Variants in MACROD2 observed in about 807,000 individuals in gnomAD.
MACROD2 encodes mono-ADP ribosylhydrolase 2.
In MACROD2, 36 loss-of-function variants were observed where a neutral mutation model predicts 70.4. That is an observed-to-expected ratio of 0.51 (90% CI 0.39 to 0.68). The LOEUF (loss-of-function observed/expected upper bound fraction) is 0.68. Ranked by LOEUF, MACROD2 falls within the 30% of genes least tolerant of loss-of-function variation. MACROD2 has a pLI of 0.00. For synonymous variants in MACROD2, 172 were observed against 178.8 expected (o/e 0.96, Z 0.30); for missense variants, 496 against 538.4 (o/e 0.92, Z 0.78).
chr20:16,013,183 A>G (rs1008735737), intron 15 of MACROD2, among the ~76,000 whole-genome samples: 7 of 152,192 alleles, frequency 4.6e-5, no homozygotes, highest in African/African-American at 1.4e-4. Context: ...TGTCTAAAAA[A>G]AAAAGAGAGC....
At chr20:15,021,053 T>G in intron 5 of MACROD2, among the ~76,000 whole-genome samples, 1 of 143,220 alleles carries the variant, frequency 7.0e-6, no homozygotes, top group Middle Eastern at 3.5e-3. Context: ...TGCATACACA[T>G]GTGCATATGT....
At chr20:14,727,242 C>T (rs765497082) in intron 5 of MACROD2, among the ~76,000 whole-genome samples, 56 of 152,260 alleles carry the variant, frequency 3.7e-4, no homozygotes, top group Middle Eastern at 6.8e-3. Flanking sequence ...TCCAGATATT[C>T]TCCAAGAAAT....
At chr20:14,949,212 C>CA (rs1239028548) in intron 5 of MACROD2, among the ~76,000 whole-genome samples, 2 of 151,940 alleles carry the variant, frequency 1.3e-5, no homozygotes, top group Non-Finnish European at 2.9e-5. Flanking sequence ...CTTTGTAGAA[C>CA]AAAAATGCAA....
At chr20:16,047,497 G>A (rs1048750170) in intron 17 of MACROD2, among the ~76,000 whole-genome samples, 8 of 152,310 alleles carry the variant, frequency 5.3e-5, no homozygotes, top group African/African-American at 1.7e-4. Context: ...CAGACTGAGT[G>A]TGGCTTCTAG....
At chr20:15,403,950 G>T (rs2045964413) in intron 6 of MACROD2, among the ~76,000 whole-genome samples, 2 of 152,162 alleles carry the variant, frequency 1.3e-5, no homozygotes, top group African/African-American at 2.4e-5. Flanking sequence ...TAAAGCAATA[G>T]AGCAAGAGGA....
At chr20:15,707,412 C>T (rs79646852) in intron 8 of MACROD2, among the ~76,000 whole-genome samples, 8,971 of 152,196 alleles carry the variant, frequency 0.059, 356 homozygotes, top group African/African-American at 0.12. Flanking sequence ...TTGCTGGGCA[C>T]TGGGAATATG....
chr20:15,942,827 G>A (rs2065768566), intron 12 of MACROD2, among the ~76,000 whole-genome samples: 1 of 152,142 alleles, frequency 6.6e-6, no homozygotes, highest in Non-Finnish European at 1.5e-5. Flanking sequence ...ATAAAGTGCT[G>A]TTTAAACTCG....
At chr20:15,815,766 A>T (rs1325827944) in intron 8 of MACROD2, among the ~76,000 whole-genome samples, 1 of 152,156 alleles carries the variant, frequency 6.6e-6, no homozygotes, top group Non-Finnish European at 1.5e-5. Context: ...TTCTAGTCAA[A>T]TTATGCAACT....
At chr20:14,107,590 C>G (rs2054387098) in intron 3 of MACROD2, among the ~76,000 whole-genome samples, 1 of 151,982 alleles carries the variant, frequency 6.6e-6, no homozygotes, top group African/African-American at 2.4e-5. Flanking sequence ...CATTTAATAA[C>G]CAAACTCCCC....
chr20:16,041,125 G>C, intron 15 of MACROD2, 76 bp from the exon 16 acceptor site: 1 of 1,224,384 alleles, frequency 8.2e-7, no homozygotes, highest in East Asian at 2.5e-5. Flanking sequence ...GGGCAATGGA[G>C]GGTGACAGAA....
At chr20:14,311,610 T>G (rs1350733623) in intron 3 of MACROD2, among the ~76,000 whole-genome samples, 1 of 152,146 alleles carries the variant, frequency 6.6e-6, no homozygotes, top group Non-Finnish European at 1.5e-5. Context: ...CTCTGCCTCC[T>G]GGGTTCAATT....
At chr20:15,461,006 A>ATATTTTTTTTTTTTTTTT in intron 7 of MACROD2, among the ~76,000 whole-genome samples, 1 of 66,992 alleles carries the variant, frequency 1.5e-5, no homozygotes, top group African/African-American at 4.2e-5. Flanking sequence ...ATATATATAT[A>ATATTTTTTTTTTTTTTTT]TTTTTTTTTA....
At chr20:14,779,231 G>A (rs142567350) in intron 5 of MACROD2, among the ~76,000 whole-genome samples, 4 of 152,108 alleles carry the variant, frequency 2.6e-5, no homozygotes, top group East Asian at 3.9e-4. Context: ...ATTTCCCTTC[G>A]TCAATCAGAA....
intron 4 of MACROD2, among the ~76,000 whole-genome samples, chr20:14,577,278 T>G (rs1302027705): frequency 6.6e-6 from 1 of 152,152 alleles, no homozygotes; most frequent in Non-Finnish European, 1.5e-5. Flanking sequence ...ATGCCAACAG[T>G]TTTTTCATAA....
At chr20:15,343,859 T>A (rs1378684110) in intron 6 of MACROD2, among the ~76,000 whole-genome samples, 1 of 152,170 alleles carries the variant, frequency 6.6e-6, no homozygotes, top group Non-Finnish European at 1.5e-5. Context: ...ACTCCAAGAT[T>A]GATTTCTGTG....
intron 8 of MACROD2, among the ~76,000 whole-genome samples, chr20:15,513,865 A>G (rs955152419): frequency 6.6e-6 from 1 of 152,244 alleles, no homozygotes; most frequent in Admixed American, 6.5e-5. Flanking sequence ...GAACACATGT[A>G]AAATGGTGAT....
At chr20:16,033,363 A>G (rs1316471940) in intron 15 of MACROD2, among the ~76,000 whole-genome samples, 2 of 152,124 alleles carry the variant, frequency 1.3e-5, no homozygotes, top group African/African-American at 2.4e-5. Context: ...TAGCTACATC[A>G]GAGCTCTAAT....
At chr20:15,666,047 G>C (rs147686900) in intron 8 of MACROD2, among the ~76,000 whole-genome samples, 1 of 152,168 alleles carries the variant, frequency 6.6e-6, no homozygotes, top group East Asian at 1.9e-4. Flanking sequence ...AAAATTAAAT[G>C]AGTAGCCTTG....
intron 5 of MACROD2, among the ~76,000 whole-genome samples, chr20:14,714,729 T>G (rs2071378038): frequency 6.6e-6 from 1 of 152,106 alleles, no homozygotes; most frequent in Admixed American, 6.6e-5. Flanking sequence ...CTACTTATCC[T>G]TCACATCAAC....
Sources: gnomAD v4.1 joint callset for allele counts (sites outside exome capture counted in the v4.1 genomes callset) on GRCh38, gnomAD v4.1.1 for gene constraint, MANE v1.5 for transcripts, NCBI Gene and HGNC (gene_info 2026-07-23, HGNC 2026-07-21) for gene names.